The following SLC4A10 variants were observed in gnomAD, a reference collection of about 807,000 sequenced individuals.
SLC4A10 encodes sodium-driven chloride bicarbonate exchanger.
In SLC4A10, 42 loss-of-function variants were observed where a neutral mutation model predicts 137.7. The ratio of observed to expected loss-of-function variants is 0.30; its 90% confidence interval spans 0.24 to 0.39. The LOEUF is 0.39. Among genes scored for constraint, SLC4A10 ranks in the 10% least tolerant of loss-of-function variants. The probability of loss-of-function intolerance (pLI) is 1.00; values close to 1 mark genes in which losing one functional copy is unlikely to be tolerated. For synonymous variants in SLC4A10, 474 were observed against 464.1 expected, an observed-to-expected ratio of 1.02 and a Z score of -0.27; for missense variants, 925 against 1,355.0, an observed-to-expected ratio of 0.68 and a Z score of 4.98.
intron 1 of SLC4A10, among the ~76,000 whole-genome samples, chr2:161,763,452 G>A (rs1414067564): frequency 5.3e-5 from 8 of 152,212 alleles, no homozygotes; most frequent in East Asian, 3.9e-4. Flanking sequence ...TAAAAAATAC[G>A]TATAAAGATG....
chr2:161,633,877 A>T (rs889933569), intron 1 of SLC4A10, among the ~76,000 whole-genome samples: 4 of 151,714 alleles, frequency 2.6e-5, no homozygotes, highest in Non-Finnish European at 4.4e-5. Context: ...GTAAATATAA[A>T]CTAATTTTAT....
At chr2:161,744,098 T>G (rs1264770168) in intron 1 of SLC4A10, among the ~76,000 whole-genome samples, 1 of 152,168 alleles carries the variant, frequency 6.6e-6, no homozygotes, top group African/African-American at 2.4e-5. Context: ...ATTTATTCCT[T>G]TCCAATTTGG....
At chr2:161,793,839 T>G (rs1574997089) in intron 2 of SLC4A10, among the ~76,000 whole-genome samples, 3 of 152,146 alleles carry the variant, frequency 2.0e-5, no homozygotes, top group Non-Finnish European at 4.4e-5. Context: ...ATTAGCAAAA[T>G]AATTTCTAAT....
intron 12 of SLC4A10, among the ~76,000 whole-genome samples, chr2:161,901,587 G>A (rs941459473): frequency 2.0e-5 from 3 of 151,964 alleles, no homozygotes; most frequent in Non-Finnish European, 4.4e-5. Context: ...GAAACCCTTG[G>A]GTGGGTCTCT....
chr2:161,814,421 A>C (rs2056856951), intron 3 of SLC4A10, among the ~76,000 whole-genome samples: 1 of 152,156 alleles, frequency 6.6e-6, no homozygotes, highest in Admixed American at 6.6e-5. Flanking sequence ...CAATGTCATT[A>C]CTGGGCATAT....
chr2:161,747,666 A>G (rs1216314389), intron 1 of SLC4A10, among the ~76,000 whole-genome samples: 1 of 152,070 alleles, frequency 6.6e-6, no homozygotes, highest in African/African-American at 2.4e-5. Flanking sequence ...TTTTCCTGGA[A>G]GACTGAATGT....
intron 1 of SLC4A10, among the ~76,000 whole-genome samples, chr2:161,707,545 T>C (rs1446581795): frequency 1.3e-5 from 2 of 151,334 alleles, no homozygotes; most frequent in Non-Finnish European, 3.0e-5. Context: ...TTTCCAATTA[T>C]AATTTTTGAG....
At chr2:161,793,221 A>G (rs969425498) in intron 2 of SLC4A10, among the ~76,000 whole-genome samples, 4 of 152,180 alleles carry the variant, frequency 2.6e-5, no homozygotes, top group Non-Finnish European at 5.9e-5. Context: ...TGAAATATAT[A>G]TATCTATGCA....
intron 1 of SLC4A10, among the ~76,000 whole-genome samples, chr2:161,630,012 T>C (rs1006342078): frequency 6.6e-6 from 1 of 151,866 alleles, no homozygotes; most frequent in African/African-American, 2.4e-5. Flanking sequence ...CATGTGCAGA[T>C]CTTTGTGTGG....
At chr2:161,748,209 C>A (rs981183465) in intron 1 of SLC4A10, among the ~76,000 whole-genome samples, 1 of 151,940 alleles carries the variant, frequency 6.6e-6, no homozygotes, top group African/African-American at 2.4e-5. Context: ...ATATTTTCTC[C>A]CATCCTGTGG....
chr2:161,634,357 G>A (rs904171502), intron 1 of SLC4A10, among the ~76,000 whole-genome samples: 1 of 151,812 alleles, frequency 6.6e-6, no homozygotes, highest in African/African-American at 2.4e-5. Context: ...CATTAACTTT[G>A]ATTATGGAGG....
At chr2:161,963,073 A>G (rs1697001383) in intron 21 of SLC4A10, among the ~76,000 whole-genome samples, 1 of 152,178 alleles carries the variant, frequency 6.6e-6, no homozygotes. Context: ...AGTTGGAAAC[A>G]CTGAAAATTG....
chr2:161,785,238 A>G lies in SLC4A10; in HGVS notation c.130+14184A>G, dbSNP rs1385019820. Among the ~76,000 whole-genome samples, 4 of 151,892 alleles carry G rather than the reference A, an allele frequency of 2.6e-5. No individual in the cohort carries two copies. The East Asian group carries it at 7.7e-4, about 29-fold the overall frequency. On this transcript the variant is annotated intron_variant, in intron 2 of 26. Transcript: ENST00000446997. ...AACAAGCAAGAAAATTAAATCAGTA[A>G]TAAAAGACCTCCAAACAAAGAAAAT...
At chr2:161,690,182 A>T (rs1250472818) in intron 1 of SLC4A10, among the ~76,000 whole-genome samples, 1 of 152,206 alleles carries the variant, frequency 6.6e-6, no homozygotes, top group East Asian at 1.9e-4. Context: ...TGGCCAATAA[A>T]CATATAAATA....
chr2:161,801,779 TAAAA>T (rs149400126), intron 2 of SLC4A10, among the ~76,000 whole-genome samples: 1 of 152,058 alleles, frequency 6.6e-6, no homozygotes, highest in African/African-American at 2.4e-5. Flanking sequence ...TCGTGAATGA[TAAAA>T]AAACACTTTC....
chr2:161,848,430 ATCT>A (rs1212251947), intron 4 of SLC4A10, among the ~76,000 whole-genome samples: 12 of 152,076 alleles, frequency 7.9e-5, no homozygotes, highest in African/African-American at 2.9e-4. Flanking sequence ...TGCTTTTGGC[ATCT>A]TCATCATGAA....
intron 1 of SLC4A10, among the ~76,000 whole-genome samples, chr2:161,685,116 G>A (rs1009987184): frequency 6.6e-6 from 1 of 152,154 alleles, no homozygotes; most frequent in Non-Finnish European, 1.5e-5. Context: ...TAGATTCAGG[G>A]TGATTATCAG....
intron 2 of SLC4A10, among the ~76,000 whole-genome samples, chr2:161,784,113 T>A (rs980554460): frequency 2.6e-5 from 4 of 151,734 alleles, no homozygotes; most frequent in African/African-American, 9.7e-5. Context: ...AAATAGACTA[T>A]AAGTCAAAAC....
intron 10 of SLC4A10, among the ~76,000 whole-genome samples, chr2:161,892,787 T>C (rs374945923): frequency 6.6e-6 from 1 of 152,114 alleles, no homozygotes; most frequent in Non-Finnish European, 1.5e-5. Flanking sequence ...ATATTTATAT[T>C]ATATTCAGTG....
Sources: allele counts gnomAD v4.1 joint callset (sites outside exome capture counted in the v4.1 genomes callset), GRCh38; gene constraint gnomAD v4.1.1; transcripts MANE v1.5; gene names NCBI Gene and HGNC (gene_info 2026-07-23, HGNC 2026-07-21).